The following NHS variants were observed in gnomAD, a reference collection of about 807,000 sequenced individuals.
NHS encodes the protein NHS actin remodeling regulator, also known as actin remodeling regulator NHS.
In NHS, 5 loss-of-function variants were observed where a neutral mutation model predicts 72.5. The observed-to-expected ratio is 0.07, with a 90% CI of 0.04 to 0.14. NHS has a LOEUF of 0.14. NHS is among the 10% of genes least tolerant of loss of function. NHS has a pLI of 1.00. For missense variants in NHS, 1,072 were observed against 1,355.7 expected (o/e 0.79, Z 3.29); for synonymous variants, 464 against 547.7 (o/e 0.85, Z 2.13).
chrX:17,635,867 G>A (rs2065843953), intron 1 of NHS, among the ~76,000 whole-genome samples: 3 of 112,100 alleles, frequency 2.7e-5, no homozygotes, highest in South Asian at 3.7e-4. Context: ...CAACGTTTTC[G>A]CCTTTGCTCT....
intron 1 of NHS, among the ~76,000 whole-genome samples, chrX:17,377,931 A>C (rs1252806930): frequency 1.8e-5 from 2 of 112,213 alleles, no homozygotes; most frequent in African/African-American, 6.5e-5. Flanking sequence ...CCCAAACCAC[A>C]CAGCAGGGAC....
In NHS at chrX:17,564,976, TTTATTTA is replaced by T. The variant is rs1208405139; in HGVS notation, c.566-122763_566-122757del. ...CAAATTGGGTACAGCCACATTTTTT[TTTATTTA>T]TTTTTTTTTTTTGCAGCAACTCCCA... On this transcript the variant is annotated intron_variant, in intron 1 of 8. Coordinates refer to ENST00000676302, the MANE Select transcript of NHS (RefSeq NM_001291867.2). Among the ~76,000 whole-genome samples the T allele has an allele frequency of 4.2e-5, 4 of 94,878 alleles. 1 individual carries two copies. Among genetic ancestry groups the T allele is most frequent in the African/African-American group, 1.3e-4 (2 of 15,617 alleles). The allele number at this position is 94,878 out of a possible 115,157, so 82.4% of individuals were successfully genotyped here.
chrX:17,585,176 A>T (rs1313933282), intron 1 of NHS, among the ~76,000 whole-genome samples: 1 of 111,484 alleles, frequency 9.0e-6, no homozygotes, highest in Non-Finnish European at 1.9e-5. Context: ...CCTTAGAGTT[A>T]ATCATTATTT....
intron 2 of NHS, among the ~76,000 whole-genome samples, chrX:17,689,261 T>C (rs2066182004): frequency 9.0e-6 from 1 of 111,387 alleles, no homozygotes; most frequent in South Asian, 3.8e-4. Context: ...AACCTCCTAA[T>C]ATCCCTAAAG....
chrX:17,548,838 C>A (rs2065309179), intron 1 of NHS, among the ~76,000 whole-genome samples: 1 of 111,216 alleles, frequency 9.0e-6, no homozygotes, highest in Non-Finnish European at 1.9e-5. Context: ...TGACAACAGG[C>A]CCCTGGGGGA....
At chrX:17,686,993 G>A (rs1041114976) in intron 1 of NHS, 2 of 111,464 alleles carry the variant, frequency 1.8e-5, no homozygotes, top group Non-Finnish European at 3.8e-5. Flanking sequence ...TGAAGAAGAT[G>A]AGAGTGAGTT....
chrX:17,668,422 A>C (rs931896894), intron 1 of NHS, among the ~76,000 whole-genome samples: 5 of 112,328 alleles, frequency 4.5e-5, no homozygotes, highest in African/African-American at 1.6e-4. Context: ...GTAACTGTGA[A>C]ATGAGGAAAG....
chrX:17,709,313 GC>G (rs1335151832), intron 3 of NHS, among the ~76,000 whole-genome samples: 1 of 111,603 alleles, frequency 9.0e-6, no homozygotes, highest in Non-Finnish European at 1.9e-5. Context: ...GAAGCAGTTT[GC>G]TTTTGAGATC....
intron 2 of NHS, 82 bp from the exon 3 acceptor site, chrX:17,692,253 C>A: frequency 9.0e-7 from 1 of 1,110,868 alleles, no homozygotes; most frequent in Non-Finnish European, 1.2e-6. Flanking sequence ...TTTTTACAGC[C>A]TTTTGCTAAC....
At chrX:17,566,863 G>GGGCA (rs2065447019) in intron 1 of NHS, among the ~76,000 whole-genome samples, 1 of 111,034 alleles carries the variant, frequency 9.0e-6, no homozygotes, top group South Asian at 3.8e-4. Context: ...GTGCCATTCA[G>GGGCA]GGCAGGCTTC....
intron 3 of NHS, among the ~76,000 whole-genome samples, chrX:17,702,766 A>G (rs1335447139): frequency 8.9e-6 from 1 of 111,971 alleles, no homozygotes; most frequent in Non-Finnish European, 1.9e-5. Context: ...CAAGTCAAAG[A>G]GCCTTTGAGG....
chrX:17,661,234 A>AT (rs1460778026), intron 1 of NHS, among the ~76,000 whole-genome samples: 1 of 111,915 alleles, frequency 8.9e-6, no homozygotes, highest in African/African-American at 3.3e-5. Flanking sequence ...TACCAATTGG[A>AT]TGAGAAGACA....
chrX:17,564,909 G>T (rs944989206), intron 1 of NHS, among the ~76,000 whole-genome samples: 2 of 111,760 alleles, frequency 1.8e-5, no homozygotes, highest in Admixed American at 1.9e-4. Context: ...CAAACTAACT[G>T]CATTGCAAAA....
chrX:17,610,063 A>T (rs1002196333), intron 1 of NHS, among the ~76,000 whole-genome samples: 2 of 112,019 alleles, frequency 1.8e-5, no homozygotes, highest in African/African-American at 6.5e-5. Context: ...TTTCTCTTTC[A>T]GTTCTTTCTG....
At chrX:17,655,854 C>T (rs1348126091) in intron 1 of NHS, among the ~76,000 whole-genome samples, 1 of 113,118 alleles carries the variant, frequency 8.8e-6, no homozygotes, top group Admixed American at 9.2e-5. Flanking sequence ...GCGCCGTGCG[C>T]AGAGACCTCC....
chrX:17,636,291 T>A (rs1407824287), intron 1 of NHS, among the ~76,000 whole-genome samples: 1 of 112,488 alleles, frequency 8.9e-6, no homozygotes, highest in Non-Finnish European at 1.9e-5. Context: ...GTGGGGCCTG[T>A]CTTGATTTCT....
At chrX:17,467,282 T>C (rs1223415641) in intron 1 of NHS, among the ~76,000 whole-genome samples, 1 of 112,577 alleles carries the variant, frequency 8.9e-6, no homozygotes, top group Admixed American at 9.4e-5. Flanking sequence ...GTACTTTTAC[T>C]TACTAAGGGG....
At chrX:17,684,709 G>A (rs967173375) in intron 1 of NHS, among the ~76,000 whole-genome samples, 7 of 111,706 alleles carry the variant, frequency 6.3e-5, no homozygotes, top group African/African-American at 2.3e-4. Context: ...AGTACAGACC[G>A]TAAAACCCTT....
chrX:17,430,230 T>TTCCC (rs1231882705), intron 1 of NHS, among the ~76,000 whole-genome samples: 2 of 76,934 alleles, frequency 2.6e-5, no homozygotes, highest in African/African-American at 4.7e-5. Flanking sequence ...CCTTCCTTCC[T>TTCCC]TCCCTCCCTC....
Sources: gnomAD v4.1 joint callset for allele counts (sites outside exome capture counted in the v4.1 genomes callset) on GRCh38, gnomAD v4.1.1 for gene constraint, MANE v1.5 for transcripts, NCBI Gene and HGNC (gene_info 2026-07-23, HGNC 2026-07-21) for gene names.